Variants in KMT2C observed in about 807,000 individuals in gnomAD.
KMT2C encodes the protein lysine methyltransferase 2C.
In KMT2C, 88 loss-of-function variants were observed where a neutral mutation model predicts 507.9. The ratio of observed to expected loss-of-function variants is 0.17; its 90% CI spans 0.15 to 0.21. The LOEUF is 0.21. KMT2C is among the 10% of genes least tolerant of loss of function. The pLI is 1.00. For missense variants in KMT2C, 4,954 were observed against 5,957.8 expected (o/e 0.83, Z 5.55); for synonymous variants, 2,049 against 2,080.8 (o/e 0.98, Z 0.42).
At position 152,177,669 on chromosome 7, in the gene KMT2C, G is replaced by C. The variant is rs775427298; in HGVS notation, c.7784C>G (p.Pro2595Arg). ...TCTAGGGCCCGGAAAGTCTGGCCGGGGAATGAAGTTTCCATGTCTCAGATT... is the reference window on the plus strand; with the variant it reads ...TCTAGGGCCCGGAAAGTCTGGCCGGCGAATGAAGTTTCCATGTCTCAGATT... Reference protein sequence around the residue: ...SSNLRHGNFIPRPDFPGPRHT... With the variant: ...SSNLRHGNFIRRPDFPGPRHT... The change falls in exon 38 of 59, where the codon CCC (proline) becomes CGC (arginine). Residue 2595 changes from proline to arginine, a missense_variant. Pro to Arg is a moderately radical substitution (Grantham distance 103). Around this residue, in one of 29 missense-constraint regions of KMT2C, gnomAD observed 1,689 missense variants for 1,654.3 expected, o/e 1.02. Coordinates refer to ENST00000262189, the MANE Select transcript of KMT2C (RefSeq NM_170606.3). 7 of 1,613,978 alleles carry C rather than the reference G, an allele frequency of 4.3e-6. No homozygotes were observed. The highest frequency in any genetic ancestry group is 5.9e-6 in the Non-Finnish European group (7 of 1,180,020).
At chr7:152,142,934 C>A (rs911740618) in intron 55 of KMT2C, among the ~76,000 whole-genome samples, 2 of 152,116 alleles carry the variant, frequency 1.3e-5, no homozygotes, top group African/African-American at 4.8e-5. Flanking sequence ...ACGGGATCCC[C>A]AGGGAGGTGG....
chr7:152,196,071 G>C (rs992020876), intron 27 of KMT2C, 60 bp from the exon 28 acceptor site: 3 of 982,910 alleles, frequency 3.1e-6, no homozygotes. Flanking sequence ...TAAGCCATTT[G>C]CTAAAAACCT....
chr7:152,170,923 G>A (rs2092933574), intron 40 of KMT2C, among the ~76,000 whole-genome samples: 1 of 152,178 alleles, frequency 6.6e-6, no homozygotes, highest in African/African-American at 2.4e-5. Flanking sequence ...CAAAAGTCCT[G>A]AGCGTGTGGT....
At chr7:152,306,529 T>C (rs2096617063) in intron 6 of KMT2C, among the ~76,000 whole-genome samples, 1 of 152,208 alleles carries the variant, frequency 6.6e-6, no homozygotes, top group African/African-American at 2.4e-5. Flanking sequence ...GTGTGGGCAT[T>C]TAGTTTGTTT....
intron 6 of KMT2C, among the ~76,000 whole-genome samples, chr7:152,300,338 A>G (rs2096555200): frequency 1.3e-5 from 2 of 152,230 alleles, no homozygotes; most frequent in African/African-American, 4.8e-5. Flanking sequence ...ATGGTTTACT[A>G]TATCTAGACT....
Position 152,343,524 on chromosome 7 carries a change from A to C in KMT2C, c.251-12785T>G, listed in dbSNP as rs190857525. Among the ~76,000 whole-genome samples the C allele has an allele frequency of 2.3e-3, 354 of 152,106 alleles. 1 individual carries two copies. The highest frequency in any genetic ancestry group is 4.2e-3 in the Non-Finnish European group (287 of 67,986). On this transcript the variant is annotated intron_variant, in intron 2 of 58. Transcript: ENST00000262189. ...AAGGTAACATGTAATGGAAATACCA[A>C]AAAGAGACAAAAGAGAGGAAGAAGA...
intron 9 of KMT2C, among the ~76,000 whole-genome samples, chr7:152,253,693 T>C (rs1049783247): frequency 2.6e-5 from 4 of 151,342 alleles, no homozygotes. Context: ...CCATGGTGGG[T>C]GGGGAAACAC....
At chr7:152,141,049 G>A (rs1435363696) in intron 55 of KMT2C, among the ~76,000 whole-genome samples, 4 of 152,164 alleles carry the variant, frequency 2.6e-5, no homozygotes, top group Non-Finnish European at 4.4e-5. Flanking sequence ...AGACCAGCCT[G>A]GCCAACATGG....
intron 1 of KMT2C, among the ~76,000 whole-genome samples, chr7:152,386,346 C>G (rs2097426372): frequency 6.6e-6 from 1 of 152,312 alleles, no homozygotes. Context: ...TCCCCCTTCC[C>G]ACTTTACAGA....
At chr7:152,307,164 A>T (rs1275410026) in intron 6 of KMT2C, among the ~76,000 whole-genome samples, 1 of 148,706 alleles carries the variant, frequency 6.7e-6, no homozygotes, top group Non-Finnish European at 1.5e-5. Context: ...GAAATAAGGG[A>T]GGAAAGAAGA....
At chr7:152,344,753 C>T (rs535909897) in intron 2 of KMT2C, among the ~76,000 whole-genome samples, 9 of 151,292 alleles carry the variant, frequency 5.9e-5, no homozygotes, top group Admixed American at 3.3e-4. Context: ...TTTGGGAGGC[C>T]GAGGCGGGCA....
At position 152,331,600 on chromosome 7, in the gene KMT2C, T is replaced by A. The variant is rs953390807; in HGVS notation, c.251-861A>T. Among the ~76,000 whole-genome samples the A allele has an allele frequency of 4.6e-4, 67 of 146,310 alleles. 1 individual carries two copies. Among genetic ancestry groups the A allele is most frequent in the African/African-American group, 1.7e-3 (66 of 39,352 alleles). On this transcript the variant is annotated intron_variant, in intron 2 of 58. Coordinates refer to ENST00000262189, the MANE Select transcript of KMT2C (RefSeq NM_170606.3). ...CTCCAGCCTAAGCAACACATCTAGA[T>A]CCTACCTCAACAACAACAACAACAA...
At chr7:152,143,785 T>C (rs780959643) in intron 55 of KMT2C, among the ~76,000 whole-genome samples, 7 of 152,060 alleles carry the variant, frequency 4.6e-5, no homozygotes, top group Non-Finnish European at 8.8e-5. Flanking sequence ...AAACTTCTAG[T>C]GAGGAGTAAA....
intron 6 of KMT2C, among the ~76,000 whole-genome samples, chr7:152,296,011 T>C (rs955126988): frequency 1.7e-4 from 22 of 131,048 alleles, no homozygotes; most frequent in African/African-American, 6.6e-4. Flanking sequence ...GAGCTGGCAG[T>C]GAGCCGAGAT....
chr7:152,204,948 T>C (rs1471173394), intron 25 of KMT2C, among the ~76,000 whole-genome samples, 158 bp downstream of exon 25: 1 of 151,830 alleles, frequency 6.6e-6, no homozygotes, highest in Non-Finnish European at 1.5e-5. Context: ...TCAAATCCTT[T>C]CATCAATAAA....
At position 152,238,929 on chromosome 7, in the gene KMT2C, G is replaced by A. The variant is rs1316718934; in HGVS notation, c.2533-103C>T. The A allele has an allele frequency of 1.4e-5, 16 of 1,179,098 alleles. No individual in the cohort carries two copies. The East Asian group carries it at 1.6e-4, about 12-fold the overall frequency. 73.0% of individuals were successfully genotyped at this position (1,179,098 alleles called of 1,614,324 possible). ...TAGAACAGCAAAAACAAATGCAAAC[G>A]TATGGAAATTTAGGACAAATTGCTT... is the stretch of plus-strand genomic sequence containing the variant. On this transcript the variant is annotated intron_variant, in intron 14 of 58. Transcript: ENST00000262189.
At chr7:152,329,124 T>A (rs2096857067) in intron 3 of KMT2C, among the ~76,000 whole-genome samples, 1 of 151,606 alleles carries the variant, frequency 6.6e-6, no homozygotes, top group African/African-American at 2.4e-5. Context: ...TCCCAGGGAG[T>A]GAACAGAGAC....
intron 7 of KMT2C, among the ~76,000 whole-genome samples, chr7:152,268,612 T>C (rs1277904750): frequency 1.3e-5 from 2 of 152,182 alleles, no homozygotes; most frequent in Non-Finnish European, 2.9e-5. Context: ...TCATTTTTGA[T>C]AGAAAGGACA....
intron 1 of KMT2C, among the ~76,000 whole-genome samples, chr7:152,393,963 A>G (rs932985625): frequency 1.6e-4 from 25 of 152,198 alleles, no homozygotes; most frequent in African/African-American, 6.0e-4. Flanking sequence ...TCCAAATAAA[A>G]TAGATGTGCA....
Sources: gnomAD v4.1 joint callset for allele counts (sites outside exome capture counted in the v4.1 genomes callset) on GRCh38, gnomAD v4.1.1 for gene constraint, gnomAD v4.1.1 regional missense constraint, MANE v1.5 for transcripts, NCBI Gene and HGNC (gene_info 2026-07-23, HGNC 2026-07-21) for gene names.